The following RASGRP2 variants were observed in gnomAD, a reference collection of about 807,000 sequenced individuals.
RASGRP2 encodes the protein RAS guanyl-releasing protein 2.
RASGRP2 carries 44 observed loss-of-function variants against 71.0 expected under a neutral mutation model. The observed-to-expected ratio is 0.62, with a 90% CI of 0.49 to 0.80. The LOEUF is 0.80. Among genes scored for constraint, RASGRP2 ranks in the 30% least tolerant of loss-of-function variants. RASGRP2 has a pLI of 0.00. For synonymous variants in RASGRP2, 350 were observed against 330.7 expected (o/e 1.06, Z -0.63); for missense variants, 663 against 813.4 (o/e 0.82, Z 2.25).
Position 64,739,594 on chromosome 11 carries a change from A to T in RASGRP2, c.696+42T>A. ...GAAGGGAAGGGTTGGCCTGACTGGC[A>T]TGTGGGGTGGTTGGGAGACACCGGG... On this transcript the variant is annotated intron_variant, in intron 7 of 16. Transcript: ENST00000394432. This position sits in a 1 kb window ranked among gnomAD's most constrained non-coding sequence, Gnocchi z 4.2. 6.2e-7 allele frequency: 1 copy of T among 1,613,010 alleles called. No individual in the cohort carries two copies. Among genetic ancestry groups the T allele is most frequent in the South Asian group, 1.1e-5 (1 of 91,064 alleles).
At position 64,735,572 on chromosome 11, in the gene RASGRP2, G is replaced by A. The variant is rs145292489; in HGVS notation, c.1266C>T (p.Leu422=). Residue 422 remains leucine, a synonymous_variant, in exon 11 of 17, where the codon CTC becomes CTT. Coordinates refer to ENST00000394432, the MANE Select transcript of RASGRP2 (RefSeq NM_001098671.2). This position sits in a 1 kb window ranked among gnomAD's most constrained non-coding sequence, Gnocchi z 4.2. The part of the protein sequence containing the change: ...SAAKPKLDQA[L]VVEHIEKMVE... ...CCATCTTCTCGATGTGCTCCACCACGAGGGCCTGATCCAGCTTGGGTTTGG... is the reference window on the plus strand; with the variant it reads ...CCATCTTCTCGATGTGCTCCACCACAAGGGCCTGATCCAGCTTGGGTTTGG... 3.8e-5 allele frequency: 62 copies of A among 1,614,114 alleles called. No homozygotes were observed. The South Asian group carries it at 4.0e-4, about 10-fold the overall frequency.
In RASGRP2 at chr11:64,742,053, AG is replaced by A. The variant is rs1565520865; in HGVS notation, c.132del (p.Trp45GlyfsTer29). The A allele has an allele frequency of 6.2e-7, 1 of 1,612,052 alleles. No individual in the cohort carries two copies. On this transcript the variant is annotated frameshift_variant, in exon 3 of 17. Coordinates refer to ENST00000394432, the MANE Select transcript of RASGRP2 (RefSeq NM_001098671.2). LOFTEE classifies it high-confidence loss of function. This position sits in a 1 kb window ranked among gnomAD's most constrained non-coding sequence, Gnocchi z 4.7. ...QLVRMFLMMH[P>X]WYIPSSQLAA... is the part of the protein sequence containing the mutation. The stretch of plus-strand genomic sequence containing the variant: ...GCCAGCTGAGAGGAGGGGATGTACC[AG>A]GGGTGCATCATGAGGAACATGCGCA...
In RASGRP2 at chr11:64,743,519, A is replaced by G. The variant is rs1167276331; in HGVS notation, c.-72+484T>C. On this transcript the variant is annotated intron_variant, in intron 1 of 16. Transcript: ENST00000394432. This position sits in a 1 kb window ranked among gnomAD's most constrained non-coding sequence, Gnocchi z 4.9. ...CTAGGGGAGGCGGACTGGATGGGAG[A>G]GGAACATTCCTGGGGCGGGGGGAGC... 3.5e-5 allele frequency: 12 copies of G among 342,350 alleles called. No individual in the cohort carries two copies. The highest frequency in any genetic ancestry group is 6.9e-5 in the Non-Finnish European group (12 of 174,236). The allele number at this position is 342,350 out of a possible 1,614,324, so 21.2% of individuals were successfully genotyped here. A position where few individuals can be genotyped will look rare whatever the true frequency, so the allele number is the denominator to read the frequency against.
chr11:64,742,880 G>A lies in RASGRP2; in HGVS notation c.-14C>T, dbSNP rs984809685. On this transcript the variant is annotated 5_prime_UTR_variant, in exon 2 of 17. Coordinates refer to ENST00000394432, the MANE Select transcript of RASGRP2 (RefSeq NM_001098671.2). The surrounding 1 kb of genome is among the most constrained non-coding windows in gnomAD (Gnocchi z 4.7). Reference sequence around the variant, plus strand: ...GGTGCCTGCCATGGCCGCCGGCGCGGGGTGGGCTGGGCCCAGGCTGCGCTC... The same window carrying A: ...GGTGCCTGCCATGGCCGCCGGCGCGAGGTGGGCTGGGCCCAGGCTGCGCTC... The A allele has an allele frequency of 2.5e-6, 4 of 1,578,098 alleles. No homozygotes were observed. In the South Asian group the frequency reaches 3.4e-5, roughly 14 times the overall value.
rs1343826074 is a variant in RASGRP2, at chr11:64,739,450, G to A, written c.723C>T (p.Asn241=). The change falls in exon 8 of 17, where the codon AAC becomes AAT. Residue 241 remains asparagine (N), a synonymous_variant. Transcript: ENST00000394432. This position sits in a 1 kb window ranked among gnomAD's most constrained non-coding sequence, Gnocchi z 4.2. ...GGCCCCCGACCACTGCCATCAGCGTGTTGAAGTTCTGCAGCTGTAGCAGCT... is the reference window on the plus strand; with the variant it reads ...GGCCCCCGACCACTGCCATCAGCGTATTGAAGTTCTGCAGCTGTAGCAGCT... ...AEKLLQLQNF[N]TLMAVVGGLS... 6.2e-7 allele frequency: 1 copy of A among 1,614,206 alleles called. No homozygotes were observed.
At position 64,740,161 on chromosome 11, in the gene RASGRP2, G is replaced by C; in HGVS notation, c.374C>G (p.Pro125Arg). 1.2e-6 allele frequency: 2 copies of C among 1,614,088 alleles called. No individual in the cohort carries two copies. The highest frequency in any genetic ancestry group is 1.7e-6 in the Non-Finnish European group (2 of 1,180,022). ...HSSLIDIDSVPTYKWKRQVTQ... is the reference protein window; with the variant it reads ...HSSLIDIDSVRTYKWKRQVTQ... ...CACCTGCCGCTTCCACTTGTAGGTA[G>C]GGCTGGGGGGGCAGGGGTAGTGAGC... Residue 125 changes from proline to arginine, a missense_variant and splice_region_variant, in exon 6 of 17, where the codon CCT becomes CGT. Transcript: ENST00000394432.
At position 64,733,843 on chromosome 11, in the gene RASGRP2, C is replaced by CT. The variant is rs758989280; in HGVS notation, c.1412+1268dup. 1.4e-3 allele frequency among the ~76,000 whole-genome samples: 47 copies of CT among 34,498 alleles called. No individual in the cohort carries two copies. In the East Asian group the frequency reaches 0.048, roughly 35 times the overall value. 22.6% of individuals were successfully genotyped at this position (34,498 alleles called of 152,430 possible). A position where few individuals can be genotyped will look rare whatever the true frequency, so the allele number is the denominator to read the frequency against. On this transcript the variant is annotated intron_variant, in intron 12 of 16. Transcript: ENST00000394432. ...GGAAAGAGGGGACTTTCATTTCTTC[C>CT]TTTTTTTTTCTTTTTTTTTTTTTTG... is the stretch of plus-strand genomic sequence containing the variant.
chr11:64,727,011 G>T lies in RASGRP2; in HGVS notation c.*127C>A. The T allele has an allele frequency of 2.3e-6, 1 of 437,698 alleles. No homozygotes were observed. Among genetic ancestry groups the T allele is most frequent in the Admixed American group, 3.4e-5 (1 of 29,092 alleles). The allele number at this position is 437,698 out of a possible 1,614,324, so 27.1% of individuals were successfully genotyped here. On this transcript the variant is annotated 3_prime_UTR_variant, in exon 17 of 17. Transcript: ENST00000394432. ...GACACCAGCCCTGGCCCTGCCCTCA[G>T]CTGCATGCCACCCTCATATCCCACC...
At chr11:64,741,317 C>G (rs1489409880) in intron 4 of RASGRP2, 122 bp downstream of exon 4, 1 of 1,219,528 alleles carries the variant, frequency 8.2e-7, no homozygotes, top group East Asian at 2.5e-5. Context: ...CACTGCCCAC[C>G]CGGACAAGCC....
upstream of RASGRP2, chr11:64,744,835 C>T (rs1480301383): frequency 2.0e-5 from 3 of 148,546 alleles, no homozygotes; most frequent in Non-Finnish European, 3.0e-5. Flanking sequence ...GCGGCTCCCG[C>T]CCGCTCTCCA....
chr11:64,743,049 G>C lies in RASGRP2; in HGVS notation c.-71-112C>G. ...CCCCCTGCTGGACAGGGGCGGAGTT[G>C]TCCCCCGCGGCCACTCCCGGGGTTA... is the stretch of plus-strand genomic sequence containing the variant. On this transcript the variant is annotated intron_variant, in intron 1 of 16. Transcript: ENST00000394432. This position sits in a 1 kb window ranked among gnomAD's most constrained non-coding sequence, Gnocchi z 4.9. The C allele has an allele frequency of 8.1e-7, 1 of 1,240,988 alleles. No homozygotes were observed. Among genetic ancestry groups the C allele is most frequent in the Non-Finnish European group, 1.1e-6 (1 of 881,074 alleles). 76.9% of individuals were successfully genotyped at this position (1,240,988 alleles called of 1,614,324 possible).
chr11:64,733,642 C>A (rs2057834684), intron 12 of RASGRP2, among the ~76,000 whole-genome samples: 1 of 152,074 alleles, frequency 6.6e-6, no homozygotes, highest in African/African-American at 2.4e-5. Flanking sequence ...TGATAAAAGC[C>A]ACAAGCAGAA....
At chr11:64,736,580 C>A (rs1345670985) in intron 9 of RASGRP2, among the ~76,000 whole-genome samples, 173 bp downstream of exon 9, 1 of 152,188 alleles carries the variant, frequency 6.6e-6, no homozygotes, top group Admixed American at 6.5e-5. Flanking sequence ...AGTCCACAGC[C>A]CCAACCAGAG....
At chr11:64,740,890 G>A in intron 5 of RASGRP2, 58 bp downstream of exon 5, 1 of 1,601,696 alleles carries the variant, frequency 6.2e-7, no homozygotes, top group Non-Finnish European at 8.6e-7. Flanking sequence ...CATTTATTAA[G>A]CACAGATGGT....
chr11:64,743,290 T>A lies in RASGRP2; in HGVS notation c.-71-353A>T, dbSNP rs1376322485. On this transcript the variant is annotated intron_variant, in intron 1 of 16. Transcript: ENST00000394432. The surrounding 1 kb of genome is among the most constrained non-coding windows in gnomAD (Gnocchi z 4.9). ...CCTGCAGCACCCCGCAGCTCGGCTC[T>A]GCGCCCCTCCCGCTTCCCTCCCTCC... The A allele has an allele frequency of 2.1e-6, 1 of 465,948 alleles. No individual in the cohort carries two copies. Among genetic ancestry groups the A allele is most frequent in the East Asian group, 6.6e-5 (1 of 15,124 alleles). The allele number at this position is 465,948 out of a possible 1,614,324, so 28.9% of individuals were successfully genotyped here.
intron 12 of RASGRP2, among the ~76,000 whole-genome samples, chr11:64,731,957 G>C (rs184572577): frequency 1.3e-5 from 2 of 152,272 alleles, no homozygotes; most frequent in African/African-American, 4.8e-5. Context: ...AGAAATACTG[G>C]CCTGAGTGGA....
At chr11:64,740,546 C>T (rs2058088399) in intron 5 of RASGRP2, 1 of 646,500 alleles carries the variant, frequency 1.5e-6, no homozygotes, top group Non-Finnish European at 2.9e-6. Flanking sequence ...CCATGGAAAA[C>T]AGAGGTGGGA....
chr11:64,729,791 C>T lies in RASGRP2; in HGVS notation c.1562G>A (p.Gly521Asp), dbSNP rs1311447983. 4 of 1,613,980 alleles carry T rather than the reference C, an allele frequency of 2.5e-6. No individual in the cohort carries two copies. Among genetic ancestry groups the T allele is most frequent in the African/African-American group, 1.3e-5 (1 of 74,884 alleles). The change falls in exon 14 of 17, where the codon GGC (glycine) becomes GAC (aspartate). Residue 521 changes from glycine to aspartate, a missense_variant. Transcript: ENST00000394432. Reference sequence around the variant, plus strand: ...GCATTTGAGGCCCTGCTTGTAGATGCCCAGGATCTGCAATAGAGGAGGGGC... The same window carrying T: ...GCATTTGAGGCCCTGCTTGTAGATGTCCAGGATCTGCAATAGAGGAGGGGC... ...ACRHCKALIL[G>D]IYKQGLKCRA...
chr11:64,727,779 AGTGCTAGGATTACAGGCGT>A (rs1403165004), intron 15 of RASGRP2, among the ~76,000 whole-genome samples: 1 of 152,160 alleles, frequency 6.6e-6, no homozygotes, highest in Non-Finnish European at 1.5e-5. Flanking sequence ...GGCTTCCCAA[AGTGCTAGGATTACAGGCGT>A]GAGCCACCAT....
Sources: allele counts gnomAD v4.1 joint callset (sites outside exome capture counted in the v4.1 genomes callset), GRCh38; gene constraint gnomAD v4.1.1; non-coding constraint Gnocchi (gnomAD v3.1); transcripts MANE v1.5; gene names NCBI Gene and HGNC (gene_info 2026-07-23, HGNC 2026-07-21).